SLC39A14: variants seen among roughly 807,000 people sequenced by gnomAD.
The protein encoded by SLC39A14 is metal cation symporter ZIP14.
Under a neutral mutation model 45.5 loss-of-function variants are expected in SLC39A14, and 19 were observed. The ratio of observed to expected loss-of-function variants is 0.42; its 90% CI spans 0.29 to 0.61. The LOEUF (loss-of-function observed/expected upper bound fraction) is 0.61, where lower values mean the gene tolerates loss of function less well. Among genes scored for constraint, SLC39A14 ranks in the 20% least tolerant of loss-of-function variants. SLC39A14 has a pLI of 0.22. For missense variants in SLC39A14, 447 were observed against 616.5 expected (o/e 0.73, Z 2.91); for synonymous variants, 264 against 251.3 (o/e 1.05, Z -0.48).
intron 4 of SLC39A14, among the ~76,000 whole-genome samples, chr8:22,412,620 A>G (rs908489498): frequency 6.6e-6 from 1 of 152,152 alleles, no homozygotes; most frequent in African/African-American, 2.4e-5. Flanking sequence ...TGTGGTGCTC[A>G]GATTAAGGCT....
chr8:22,374,534 G>C (rs150761321), intron 1 of SLC39A14, among the ~76,000 whole-genome samples: 1 of 150,566 alleles, frequency 6.6e-6, no homozygotes, highest in Admixed American at 6.7e-5. Context: ...AAGGAGAGCC[G>C]TGTGAATGCT....
chr8:22,371,836 C>A (rs1344360926), intron 1 of SLC39A14, among the ~76,000 whole-genome samples: 1 of 151,638 alleles, frequency 6.6e-6, no homozygotes, highest in Non-Finnish European at 1.5e-5. Context: ...ACTCTGCCTC[C>A]CGGGTTCAAG....
intron 3 of SLC39A14, 106 bp downstream of exon 3, chr8:22,408,602 A>ACAACCTCATCC: frequency 9.6e-7 from 1 of 1,039,340 alleles, no homozygotes; most frequent in Non-Finnish European, 1.4e-6. Flanking sequence ...CTCACCAGTG[A>ACAACCTCATCC]TGACCAGGAT....
chr8:22,430,434 G>A (rs543305282), intron 8 of SLC39A14, among the ~76,000 whole-genome samples: 2 of 152,278 alleles, frequency 1.3e-5, no homozygotes, highest in East Asian at 1.9e-4. Context: ...AAGATCTGCT[G>A]TATAGGAAAA....
chr8:22,367,911 A>G lies in SLC39A14; in HGVS notation c.-16+503A>G, dbSNP rs1280073917. ...TCTCCAACCTGGCTTGCCCACGAGG[A>G]TGGCTTTCTGGCTATTTTTGGTCCT... On this transcript the variant is annotated intron_variant, in intron 1 of 8. Coordinates refer to ENST00000381237, the MANE Select transcript of SLC39A14 (RefSeq NM_001128431.4). The surrounding 1 kb of genome is among the most constrained non-coding windows in gnomAD (Gnocchi z 4.2). Among the ~76,000 whole-genome samples the G allele has an allele frequency of 6.6e-6, 1 of 152,126 alleles. No individual in the cohort carries two copies. Among genetic ancestry groups the G allele is most frequent in the Non-Finnish European group, 1.5e-5 (1 of 67,982 alleles).
At chr8:22,412,986 T>TA (rs1835667719) in intron 4 of SLC39A14, among the ~76,000 whole-genome samples, 1 of 152,080 alleles carries the variant, frequency 6.6e-6, no homozygotes, top group Non-Finnish European at 1.5e-5. Context: ...CAGTTCTCAG[T>TA]AAAAAGATTG....
chr8:22,425,411 A>G (rs1836367059), downstream of SLC39A14, among the ~76,000 whole-genome samples: 1 of 152,300 alleles, frequency 6.6e-6, no homozygotes, highest in Middle Eastern at 3.4e-3. Flanking sequence ...TTTACCATTC[A>G]GTGATGCTTG....
intron 1 of SLC39A14, among the ~76,000 whole-genome samples, chr8:22,387,588 C>T (rs1833857441): frequency 6.6e-6 from 1 of 152,148 alleles, no homozygotes; most frequent in African/African-American, 2.4e-5. Context: ...TGGAAAGTGC[C>T]ACCATACCCC....
chr8:22,420,505 AT>A lies in SLC39A14; in HGVS notation c.*811del, dbSNP rs892980783. Reference sequence around the variant, plus strand: ...CAAGAAAACAGTTGGTTTGGCTGTGATTTTGACCTCCTCTTCCCCACTGCCA... The same window carrying A: ...CAAGAAAACAGTTGGTTTGGCTGTGATTTGACCTCCTCTTCCCCACTGCCA... On this transcript the variant is annotated 3_prime_UTR_variant, in exon 9 of 9. Transcript: ENST00000381237. The A allele has an allele frequency of 1.0e-6, 1 of 985,328 alleles. No homozygotes were observed. Among genetic ancestry groups the A allele is most frequent in the Non-Finnish European group, 1.2e-6 (1 of 829,968 alleles). 61.0% of individuals were successfully genotyped at this position (985,328 alleles called of 1,614,324 possible).
At chr8:22,375,502 T>G (rs1438352993) in intron 1 of SLC39A14, among the ~76,000 whole-genome samples, 1 of 152,140 alleles carries the variant, frequency 6.6e-6, no homozygotes, top group Non-Finnish European at 1.5e-5. Flanking sequence ...TTTTTTTTTT[T>G]TGAGACGGAG....
chr8:22,392,793 C>G (rs1834153298), intron 1 of SLC39A14: 1 of 152,482 alleles, frequency 6.6e-6, no homozygotes. Flanking sequence ...CCCTCCCTCC[C>G]TCCTCCTGGC....
At chr8:22,408,703 G>A (rs958581422) in intron 3 of SLC39A14, among the ~76,000 whole-genome samples, 1 of 152,192 alleles carries the variant, frequency 6.6e-6, no homozygotes, top group African/African-American at 2.4e-5. Context: ...AGACTCCTGG[G>A]CCGTAGCTGG....
At chr8:22,410,880 G>T (rs748755264) in intron 3 of SLC39A14, among the ~76,000 whole-genome samples, 1 of 152,198 alleles carries the variant, frequency 6.6e-6, no homozygotes, top group South Asian at 2.1e-4. Context: ...GTGAGGATAC[G>T]CAGACGTGTG....
chr8:22,409,156 C>T (rs1453201678), intron 3 of SLC39A14, among the ~76,000 whole-genome samples: 3 of 151,952 alleles, frequency 2.0e-5, no homozygotes, highest in Admixed American at 1.3e-4. Flanking sequence ...TAAGACCTCC[C>T]GGAGGCTGCA....
intron 1 of SLC39A14, among the ~76,000 whole-genome samples, chr8:22,378,700 T>C (rs1340468414): frequency 6.6e-6 from 1 of 152,206 alleles, no homozygotes; most frequent in Non-Finnish European, 1.5e-5. Flanking sequence ...TCAGGTCAAC[T>C]GATGTGGTCA....
intron 1 of SLC39A14, among the ~76,000 whole-genome samples, chr8:22,388,522 A>G (rs538559778): frequency 6.7e-6 from 1 of 148,660 alleles, no homozygotes; most frequent in South Asian, 2.2e-4. Flanking sequence ...TGCTGGAGGG[A>G]CGGAGTGTTG....
At chr8:22,385,021 G>A (rs1265984310) in intron 1 of SLC39A14, among the ~76,000 whole-genome samples, 1 of 152,132 alleles carries the variant, frequency 6.6e-6, no homozygotes, top group East Asian at 1.9e-4. Context: ...CTGCACTCTA[G>A]CCTGGGCAAC....
chr8:22,376,334 A>AT (rs778041310), intron 1 of SLC39A14, among the ~76,000 whole-genome samples: 35,158 of 122,302 alleles, frequency 0.29, 5,678 homozygotes, highest in East Asian at 0.6. Flanking sequence ...ACCACACCTA[A>AT]TTTTTTTTTT....
chr8:22,432,880 T>C, intron 8 of SLC39A14, among the ~76,000 whole-genome samples: 1 of 150,216 alleles, frequency 6.7e-6, no homozygotes, highest in East Asian at 2.0e-4. Flanking sequence ...CTCGAACTCC[T>C]GACCTCAGGT....
Sources: gnomAD v4.1 joint callset for allele counts (sites outside exome capture counted in the v4.1 genomes callset) on GRCh38, gnomAD v4.1.1 for gene constraint, Gnocchi (gnomAD v3.1) non-coding constraint, MANE v1.5 for transcripts, NCBI Gene and HGNC (gene_info 2026-07-23, HGNC 2026-07-21) for gene names.